Variants in DOCK5 observed in about 807,000 individuals in gnomAD.
The protein encoded by DOCK5 is dedicator of cytokinesis 5.
A neutral mutation model predicts 251.8 loss-of-function variants in DOCK5; 142 were observed. The ratio of observed to expected loss-of-function variants is 0.56; its 90% CI spans 0.49 to 0.65. The LOEUF is 0.65. Ranked by LOEUF, DOCK5 falls within the 30% of genes least tolerant of loss-of-function variation. DOCK5 has a pLI of 0.00. For synonymous variants in DOCK5, 842 were observed against 835.5 expected (o/e 1.01, Z -0.13); for missense variants, 2,111 against 2,312.3 (o/e 0.91, Z 1.79).
intron 1 of DOCK5, among the ~76,000 whole-genome samples, chr8:25,186,519 C>T (rs185853687): frequency 5.3e-4 from 81 of 152,156 alleles, no homozygotes; most frequent in African/African-American, 1.9e-3. Flanking sequence ...GCTGGGATTA[C>T]GGGCTTGCAT....
intron 2 of DOCK5, among the ~76,000 whole-genome samples, chr8:25,255,650 A>G (rs1803400911): frequency 6.6e-6 from 1 of 152,190 alleles, no homozygotes; most frequent in Admixed American, 6.5e-5. Flanking sequence ...CACAACACCA[A>G]CAGTGGACCC....
chr8:25,382,914 C>T (rs1036202728), intron 40 of DOCK5, 136 bp downstream of exon 40: 14 of 681,296 alleles, frequency 2.1e-5, no homozygotes, highest in Middle Eastern at 3.9e-4. Context: ...GAAACCACTT[C>T]CTGAGCAGCC....
At chr8:25,310,620 G>A (rs775402924) in intron 13 of DOCK5, 88 bp downstream of exon 13, 74 of 1,444,434 alleles carry the variant, frequency 5.1e-5, no homozygotes, top group Non-Finnish European at 6.6e-5. Context: ...GGATCCAGAA[G>A]ACTTGGTTAT....
At chr8:25,196,686 C>T (rs1171297690) in intron 1 of DOCK5, among the ~76,000 whole-genome samples, 2 of 152,142 alleles carry the variant, frequency 1.3e-5, no homozygotes, top group Non-Finnish European at 2.9e-5. Context: ...TGTAAGGAAT[C>T]AAATCTCATT....
At chr8:25,254,799 A>AAAAAAAC (rs1803373934) in intron 2 of DOCK5, among the ~76,000 whole-genome samples, 1 of 147,904 alleles carries the variant, frequency 6.8e-6, no homozygotes, top group African/African-American at 2.5e-5. Context: ...AAAACAAAAA[A>AAAAAAAC]AAAAAACATT....
Position 25,319,655 on chromosome 8 carries a change from C to T in DOCK5, c.1521C>T (p.Pro507=), listed in dbSNP as rs765631357. 1.9e-6 allele frequency: 3 copies of T among 1,586,586 alleles called. No individual in the cohort carries two copies. Among genetic ancestry groups the T allele is most frequent in the South Asian group, 1.2e-5 (1 of 86,370 alleles). The change falls in exon 15 of 52, where the codon CCC becomes CCT. Residue 507 remains proline, a synonymous_variant. Coordinates refer to ENST00000276440, the MANE Select transcript of DOCK5 (RefSeq NM_024940.8). ...KSVVYYQVKQ[P]CWYETVKVSI... is the part of the protein sequence containing the mutation. ...TAGTCTATTACCAAGTCAAGCAGCC[C>T]TGTTGGTATGAGACTGTCAAGGTGA...
rs1350293386 is a variant in DOCK5 at position 25,410,080 on chromosome 8, C to T, written c.5405-19C>T. Reference sequence around the variant, plus strand: ...GCTCAGTGCCTCTCTCTGCCGCCTGCACTTTCTGTCATTTCTAGGCTCCCC... The same window carrying T: ...GCTCAGTGCCTCTCTCTGCCGCCTGTACTTTCTGTCATTTCTAGGCTCCCC... On this transcript the variant is annotated intron_variant, in intron 50 of 51. Transcript: ENST00000276440. The T allele has an allele frequency of 1.1e-5, 17 of 1,603,786 alleles. No homozygotes were observed. The highest frequency in any genetic ancestry group is 1.4e-5 in the Non-Finnish European group (17 of 1,172,812).
At chr8:25,395,181 G>A (rs913728843) in intron 44 of DOCK5, among the ~76,000 whole-genome samples, 1 of 152,048 alleles carries the variant, frequency 6.6e-6, no homozygotes, top group Non-Finnish European at 1.5e-5. Flanking sequence ...TAGATCCCTC[G>A]CATGTGCAGT....
At chr8:25,244,405 G>A (rs565595612) in intron 2 of DOCK5, among the ~76,000 whole-genome samples, 2 of 152,336 alleles carry the variant, frequency 1.3e-5, no homozygotes, top group South Asian at 2.1e-4. Flanking sequence ...AATCCTAGAA[G>A]AAGTCTTCCT....
At chr8:25,291,447 C>T (rs1460573011) in intron 5 of DOCK5, among the ~76,000 whole-genome samples, 1 of 152,076 alleles carries the variant, frequency 6.6e-6, no homozygotes, top group South Asian at 2.1e-4. Flanking sequence ...CTTTGGGAGG[C>T]CAAGGCGGGC....
intron 1 of DOCK5, among the ~76,000 whole-genome samples, chr8:25,215,427 G>A (rs1204929557): frequency 6.6e-6 from 1 of 152,066 alleles, no homozygotes; most frequent in Non-Finnish European, 1.5e-5. Flanking sequence ...TGCTTCAAGT[G>A]CAGGAAGTGT....
At chr8:25,246,814 T>C (rs1399644853) in intron 2 of DOCK5, among the ~76,000 whole-genome samples, 1 of 151,844 alleles carries the variant, frequency 6.6e-6, no homozygotes, top group African/African-American at 2.4e-5. Context: ...CAAGCTTTTC[T>C]AATTGTCCTA....
chr8:25,374,748 T>A, intron 37 of DOCK5, 94 bp downstream of exon 37: 1 of 1,608,838 alleles, frequency 6.2e-7, no homozygotes, highest in South Asian at 1.1e-5. Context: ...GGGAAAGAAC[T>A]TTATTCCAGG....
chr8:25,217,202 A>G (rs1354351485), intron 1 of DOCK5, among the ~76,000 whole-genome samples: 1 of 150,250 alleles, frequency 6.7e-6, no homozygotes, highest in Admixed American at 6.7e-5. Flanking sequence ...ATATATATAT[A>G]CACATACACA....
At chr8:25,311,768 A>G (rs1805103305) in intron 13 of DOCK5, among the ~76,000 whole-genome samples, 1 of 147,578 alleles carries the variant, frequency 6.8e-6, no homozygotes, top group African/African-American at 2.5e-5. Context: ...TCAAAAATAC[A>G]AAAATTAGCT....
At chr8:25,198,927 G>T (rs1217241579) in intron 1 of DOCK5, among the ~76,000 whole-genome samples, 2 of 152,140 alleles carry the variant, frequency 1.3e-5, no homozygotes, top group East Asian at 1.9e-4. Flanking sequence ...CCAGGTGGAG[G>T]TTTTGTTATA....
At chr8:25,382,592 C>A in intron 39 of DOCK5, 82 bp from the exon 40 acceptor site, 1 of 1,145,944 alleles carries the variant, frequency 8.7e-7, no homozygotes, top group Non-Finnish European at 1.3e-6. Context: ...ACGTGGGAAA[C>A]AACAAAACAA....
chr8:25,372,506 G>T (rs1800890303), intron 34 of DOCK5, 53 bp from the exon 35 acceptor site: 1 of 1,526,142 alleles, frequency 6.6e-7, no homozygotes, highest in East Asian at 2.3e-5. Flanking sequence ...GGTCAGTGCT[G>T]CTGGAATGAT....
intron 4 of DOCK5, among the ~76,000 whole-genome samples, chr8:25,276,179 C>A (rs1232580723): frequency 6.6e-6 from 1 of 152,184 alleles, no homozygotes; most frequent in Non-Finnish European, 1.5e-5. Context: ...CCTGCATTTA[C>A]CAGCTCTGAG....
Sources: gnomAD v4.1 joint callset for allele counts (sites outside exome capture counted in the v4.1 genomes callset) on GRCh38, gnomAD v4.1.1 for gene constraint, MANE v1.5 for transcripts, NCBI Gene and HGNC (gene_info 2026-07-23, HGNC 2026-07-21) for gene names.